The following SPC24 variants were observed in gnomAD, a reference collection of about 807,000 sequenced individuals.
The protein encoded by SPC24 is SPC24 component of NDC80 kinetochore complex, also known as kinetochore protein Spc24.
SPC24 carries 31 observed loss-of-function variants against 27.6 expected under a neutral mutation model. The ratio of observed to expected loss-of-function variants is 1.12; its 90% CI spans 0.84 to 1.52. The LOEUF (loss-of-function observed/expected upper bound fraction) is 1.52, where lower values mean the gene tolerates loss of function less well. Ranked by LOEUF, SPC24 falls within the 40% of genes most tolerant of loss-of-function variation. SPC24 has a pLI of 0.00. For synonymous variants in SPC24, 105 were observed against 105.8 expected (o/e 0.99, Z 0.05); for missense variants, 284 against 252.5 (o/e 1.12, Z -0.84).
intron 1 of SPC24, among the ~76,000 whole-genome samples, chr19:11,150,135 C>T (rs1444940338): frequency 4.3e-5 from 6 of 139,930 alleles, no homozygotes; most frequent in Admixed American, 3.0e-4. Context: ...TGCAGTGAGC[C>T]GAGATCGTGC....
Position 11,145,773 on chromosome 19 carries a change from C to G in SPC24, c.*1410G>C, listed in dbSNP as rs2147306699. On this transcript the variant is annotated 3_prime_UTR_variant, in exon 5 of 5. Transcript: ENST00000592540. ...AAGGGGGAAGAAAGGGTGTATTTGT[C>G]TTTTAAGAATCCTTCTAGAAGTGTC... 1 of 152,310 alleles carries G rather than the reference C, an allele frequency of 6.6e-6. No individual in the cohort carries two copies. Among genetic ancestry groups the G allele is most frequent in the South Asian group, 2.1e-4 (1 of 4,826 alleles). The allele number at this position is 152,310 out of a possible 1,614,324, so 9.4% of individuals were successfully genotyped here.
intron 1 of SPC24, among the ~76,000 whole-genome samples, chr19:11,151,187 C>T (rs1165495500): frequency 7.5e-6 from 1 of 132,584 alleles, no homozygotes; most frequent in Non-Finnish European, 1.7e-5. Context: ...AAAAAAAATG[C>T]TTCCCAAAGG....
intron 3 of SPC24, 43 bp downstream of exon 3, chr19:11,147,970 G>C (rs373725218): frequency 1.3e-6 from 2 of 1,597,288 alleles, no homozygotes; most frequent in African/African-American, 2.7e-5. Context: ...GAGCCGGACT[G>C]CACAAGGAGG....
Position 11,145,864 on chromosome 19 carries a change from T to C in SPC24, c.*1319A>G, listed in dbSNP as rs981603151. 3 of 152,192 alleles carry C rather than the reference T, an allele frequency of 2.0e-5. No homozygotes were observed. The highest frequency in any genetic ancestry group is 7.2e-5 in the African/African-American group (3 of 41,440). 9.4% of individuals were successfully genotyped at this position (152,192 alleles called of 1,614,324 possible). ...CTATAAGGGCAGCTGGGAAGTGTTG[T>C]ATTTTAACTCCCAAAGTGCTAGGAT... is the stretch of plus-strand genomic sequence containing the variant. On this transcript the variant is annotated 3_prime_UTR_variant, in exon 5 of 5. Coordinates refer to ENST00000592540, the MANE Select transcript of SPC24 (RefSeq NM_182513.4).
Position 11,145,919 on chromosome 19 carries a change from A to AT in SPC24, c.*1263dup, listed in dbSNP as rs1232627873. 1 of 151,836 alleles carries AT rather than the reference A, an allele frequency of 6.6e-6. No homozygotes were observed. Among genetic ancestry groups the AT allele is most frequent in the Non-Finnish European group, 1.5e-5 (1 of 68,060 alleles). The allele number at this position is 151,836 out of a possible 1,614,324, so 9.4% of individuals were successfully genotyped here. A position where few individuals can be genotyped will look rare whatever the true frequency, so the allele number is the denominator to read the frequency against. ...GGCATGAGCCACCACACCAGGCCAAATTTTTTAATTTTTTTGTAGAGATGG... is the reference window on the plus strand; with the variant it reads ...GGCATGAGCCACCACACCAGGCCAAATTTTTTTAATTTTTTTGTAGAGATGG... On this transcript the variant is annotated 3_prime_UTR_variant, in exon 5 of 5. Transcript: ENST00000592540.
rs542568782 is a variant in SPC24 at position 11,145,526 on chromosome 19, A to G, written c.*1657T>C. On this transcript the variant is annotated 3_prime_UTR_variant, in exon 5 of 5. Coordinates refer to ENST00000592540, the MANE Select transcript of SPC24 (RefSeq NM_182513.4). ...ATGTTCAGTTAGGGTTTATTTTGGT[A>G]TCTGTCATAGAAAACCCCCAAAACC... 1 of 152,286 alleles carries G rather than the reference A, an allele frequency of 6.6e-6. No homozygotes were observed. Among genetic ancestry groups the G allele is most frequent in the African/African-American group, 2.4e-5 (1 of 41,558 alleles). 9.4% of individuals were successfully genotyped at this position (152,286 alleles called of 1,614,324 possible).
chr19:11,154,595 C>G (rs986909446), intron 1 of SPC24, among the ~76,000 whole-genome samples: 5 of 152,096 alleles, frequency 3.3e-5, no homozygotes, highest in Non-Finnish European at 5.9e-5. Flanking sequence ...ATGGATGAAC[C>G]TGGAGGACAT....
intron 2 of SPC24, 50 bp from the exon 3 acceptor site, chr19:11,148,167 C>T (rs746029508): frequency 1.0e-5 from 13 of 1,288,344 alleles, no homozygotes; most frequent in Middle Eastern, 2.2e-4. Context: ...GCTGCCCCTG[C>T]GCTAACTGCA....
At chr19:11,149,036 T>G in intron 2 of SPC24, 58 bp downstream of exon 2, 1 of 1,402,420 alleles carries the variant, frequency 7.1e-7, no homozygotes, top group Non-Finnish European at 9.3e-7. Context: ...CTTGAGCCAC[T>G]GCGCCTGGCC....
intron 2 of SPC24, 146 bp from the exon 3 acceptor site, chr19:11,148,263 A>T (rs1049819815): frequency 2.6e-5 from 16 of 625,070 alleles, no homozygotes; most frequent in Non-Finnish European, 3.7e-5. Flanking sequence ...GCTGGAGTGC[A>T]GTGGCACGAC....
In SPC24 at chr19:11,146,085, C is replaced by T. The variant is rs975989723; in HGVS notation, c.*1098G>A. The T allele has an allele frequency of 1.3e-5, 2 of 152,206 alleles. No homozygotes were observed. Among genetic ancestry groups the T allele is most frequent in the Admixed American group, 6.6e-5 (1 of 15,266 alleles). 9.4% of individuals were successfully genotyped at this position (152,206 alleles called of 1,614,324 possible). A position where few individuals can be genotyped will look rare whatever the true frequency, so the allele number is the denominator to read the frequency against. ...TCTTTTTAAGTCCCGGCACAAAAGT[C>T]GCTTCTGTCCTCCATGAAGCCTGCA... On this transcript the variant is annotated 3_prime_UTR_variant, in exon 5 of 5. Transcript: ENST00000592540.
chr19:11,152,437 T>C (rs1397184845), intron 1 of SPC24, among the ~76,000 whole-genome samples: 1 of 152,194 alleles, frequency 6.6e-6, no homozygotes, highest in African/African-American at 2.4e-5. Context: ...CTTTAACTCC[T>C]GTCCTCAAGT....
intron 1 of SPC24, among the ~76,000 whole-genome samples, chr19:11,150,185 CAA>C (rs770061574): frequency 6.2e-5 from 2 of 32,268 alleles, no homozygotes; most frequent in Non-Finnish European, 1.2e-4. Context: ...AACTCCATCT[CAA>C]AAAAAAAAAA....
rs1464705282 is a variant in SPC24, at chr19:11,147,258, G to A, written c.519C>T (p.Ile173=). 1 of 1,567,738 alleles carries A rather than the reference G, an allele frequency of 6.4e-7. No individual in the cohort carries two copies. Among genetic ancestry groups the A allele is most frequent in the Non-Finnish European group, 8.7e-7 (1 of 1,155,510 alleles). The change falls in exon 5 of 5, where the codon ATC becomes ATT. Residue 173 remains isoleucine (I), a synonymous_variant. Coordinates refer to ENST00000592540, the MANE Select transcript of SPC24 (RefSeq NM_182513.4). ...IHHGPSVAQP[I]HLDSTQLSRK... is the part of the protein sequence containing the mutation. ...TGGAGAGCTGGGTGCTGTCCAGGTG[G>A]ATGGGCTGGGCCACACTGGGGCCAT...
intron 2 of SPC24, 22 bp downstream of exon 2, chr19:11,149,072 A>AT: frequency 6.8e-7 from 1 of 1,478,722 alleles, no homozygotes. Flanking sequence ...AGCAAGGCTG[A>AT]TCCCCTAGCA....
At chr19:11,149,712 CTTT>C (rs546646293) in intron 1 of SPC24, among the ~76,000 whole-genome samples, 2 of 140,562 alleles carry the variant, frequency 1.4e-5, no homozygotes, top group Admixed American at 7.2e-5. Flanking sequence ...AAAACCCTGT[CTTT>C]TTTTTTTTTT....
In SPC24 at chr19:11,149,085, A is replaced by T. The variant is rs1468546262; in HGVS notation, c.305+9T>A. The T allele has an allele frequency of 3.3e-6, 5 of 1,495,946 alleles. No individual in the cohort carries two copies. 92.7% of individuals were successfully genotyped at this position (1,495,946 alleles called of 1,614,324 possible). ...CTAGCAAGGCTGATCCCCTAGCAGA[A>T]AAGGATATAGGAGGCTGGCCTTCAG... is the stretch of plus-strand genomic sequence containing the variant. On this transcript the variant is annotated intron_variant, in intron 2 of 4. Coordinates refer to ENST00000592540, the MANE Select transcript of SPC24 (RefSeq NM_182513.4).
chr19:11,151,196 G>C (rs1764687381), intron 1 of SPC24, among the ~76,000 whole-genome samples: 1 of 147,972 alleles, frequency 6.8e-6, no homozygotes, highest in Non-Finnish European at 1.5e-5. Context: ...GCTTCCCAAA[G>C]GGCCCATGTT....
intron 2 of SPC24, among the ~76,000 whole-genome samples, chr19:11,148,767 C>A (rs538412285): frequency 6.6e-6 from 1 of 152,252 alleles, no homozygotes; most frequent in South Asian, 2.1e-4. Context: ...CCTGCTGGGA[C>A]CACGCCCGGC....
Sources: allele counts gnomAD v4.1 joint callset (sites outside exome capture counted in the v4.1 genomes callset), GRCh38; gene constraint gnomAD v4.1.1; transcripts MANE v1.5; gene names NCBI Gene and HGNC (gene_info 2026-07-23, HGNC 2026-07-21).